The following PTGES3 variants were observed in gnomAD, a reference collection of about 807,000 sequenced individuals.
The protein encoded by PTGES3 is Hsp90 co-chaperone.
PTGES3 carries 5 observed loss-of-function variants against 29.9 expected under a neutral mutation model. The observed-to-expected ratio is 0.17, with a 90% CI of 0.09 to 0.35. The LOEUF is 0.35. Among genes scored for constraint, PTGES3 ranks in the 10% least tolerant of loss-of-function variants. PTGES3 has a pLI of 1.00. For synonymous variants in PTGES3, 49 were observed against 57.8 expected (o/e 0.85, Z 0.69); for missense variants, 128 against 190.0 (o/e 0.67, Z 1.92).
At chr12:56,664,626 T>A in intron 7 of PTGES3, 128 bp from the exon 8 acceptor site, 1 of 1,370,882 alleles carries the variant, frequency 7.3e-7, no homozygotes, top group Non-Finnish European at 1.0e-6. Context: ...GTTGTCTTGC[T>A]ATCAAGTTAT....
At position 56,663,895 on chromosome 12, in the gene PTGES3, AAGTT is replaced by A. The variant is rs1363596811; in HGVS notation, c.*580_*583del. On this transcript the variant is annotated 3_prime_UTR_variant, in exon 8 of 8. Coordinates refer to ENST00000262033, the MANE Select transcript of PTGES3 (RefSeq NM_006601.7). ...ATTGTATAGGCTTCAAAAACCATCTAAGTTAGGGCATTCTCTAGTTTTAGCTAAG... is the reference window on the plus strand; with the variant it reads ...ATTGTATAGGCTTCAAAAACCATCTAAGGGCATTCTCTAGTTTTAGCTAAG... 1.3e-5 allele frequency: 2 copies of A among 152,956 alleles called. No individual in the cohort carries two copies. Among genetic ancestry groups the A allele is most frequent in the East Asian group, 1.9e-4 (1 of 5,210 alleles). 9.5% of individuals were successfully genotyped at this position (152,956 alleles called of 1,614,324 possible). A position where few individuals can be genotyped will look rare whatever the true frequency, so the allele number is the denominator to read the frequency against.
chr12:56,685,399 C>CTTT lies in PTGES3; in HGVS notation c.2+2596_2+2598dup, dbSNP rs143526249. ...TTTTGAAGGTAGCATTTTTTCTTTT[C>CTTT]TTTTTTTTTTTTTTTTTTTTTAAGA... On this transcript the variant is annotated intron_variant, in intron 1 of 7. Coordinates refer to ENST00000262033, the MANE Select transcript of PTGES3 (RefSeq NM_006601.7). Among the ~76,000 whole-genome samples the CTTT allele has an allele frequency of 2.4e-4, 32 of 131,170 alleles. 1 individual carries two copies. The highest frequency in any genetic ancestry group is 1.2e-3 in the South Asian group (5 of 4,228). 86.1% of individuals were successfully genotyped at this position (131,170 alleles called of 152,430 possible).
At chr12:56,667,570 G>A (rs1951836050) in intron 5 of PTGES3, among the ~76,000 whole-genome samples, 1 of 152,138 alleles carries the variant, frequency 6.6e-6, no homozygotes, top group African/African-American at 2.4e-5. Context: ...CCAGTCACAG[G>A]ACAAATACTG....
intron 1 of PTGES3, chr12:56,686,999 T>G (rs375053253): frequency 2.6e-4 from 11 of 43,080 alleles, no homozygotes; most frequent in East Asian, 6.6e-4. Flanking sequence ...AAAAATAACC[T>G]CCCGTCAAAA....
At chr12:56,675,521 C>CAAAAAAAAAAA (rs58270146) in intron 1 of PTGES3, among the ~76,000 whole-genome samples, 2 of 92,054 alleles carry the variant, frequency 2.2e-5, no homozygotes, top group Non-Finnish European at 5.0e-5. Flanking sequence ...AGAATGAGAC[C>CAAAAAAAAAAA]AAAAAAAAAA....
chr12:56,680,544 C>T (rs1184691586), intron 1 of PTGES3, among the ~76,000 whole-genome samples: 1 of 151,960 alleles, frequency 6.6e-6, no homozygotes, highest in African/African-American at 2.4e-5. Context: ...TGCCGTCAGG[C>T]CTAGCAATTT....
At chr12:56,681,994 C>T (rs1226414769) in intron 1 of PTGES3, among the ~76,000 whole-genome samples, 1 of 152,008 alleles carries the variant, frequency 6.6e-6, no homozygotes, top group Non-Finnish European at 1.5e-5. Context: ...TTACAGGCAC[C>T]CGCCACGGTG....
intron 1 of PTGES3, among the ~76,000 whole-genome samples, chr12:56,674,706 G>A (rs538159478): frequency 2.5e-3 from 372 of 150,996 alleles, no homozygotes; most frequent in African/African-American, 8.8e-3. Flanking sequence ...GGCGCCTGTA[G>A]TCCCAGCTAC....
chr12:56,670,535 T>C, intron 4 of PTGES3, 171 bp from the exon 5 acceptor site: 1 of 581,312 alleles, frequency 1.7e-6, no homozygotes, highest in East Asian at 2.9e-5. Context: ...TATGTGAGTT[T>C]TGACCAGCTC....
In PTGES3 at chr12:56,673,037, G is replaced by C; in HGVS notation, c.31C>G (p.Arg11Gly). Residue 11 changes from arginine (R) to glycine (G), a missense_variant, in exon 2 of 8, where the codon CGA becomes GGA. Physicochemically the swap from Arg to Gly is moderately radical, Grantham distance 125. Transcript: ENST00000262033. ...AATTCAATGAAGACATAGTCCCTTC[G>C]ATCGTACCACTTTGCAGAAGCAGGC... MQPASAKWYD[R>G]RDYVFIEFCV... is the part of the protein sequence containing the mutation. 1 of 1,606,894 alleles carries C rather than the reference G, an allele frequency of 6.2e-7. No individual in the cohort carries two copies. The highest frequency in any genetic ancestry group is 8.5e-7 in the Non-Finnish European group (1 of 1,178,190).
intron 1 of PTGES3, chr12:56,687,005 CAAAAAAAAA>C (rs11297744): frequency 4.7e-5 from 4 of 85,568 alleles, no homozygotes; most frequent in Middle Eastern, 6.1e-3. Flanking sequence ...AACCTCCCGT[CAAAAAAAAA>C]AAAAAAAAAA....
intron 6 of PTGES3, chr12:56,665,523 G>C (rs1253319139): frequency 1.0e-6 from 1 of 981,998 alleles, no homozygotes; most frequent in Non-Finnish European, 1.2e-6. Flanking sequence ...TGAAACTCTT[G>C]ACCGCATGAT....
intron 1 of PTGES3, among the ~76,000 whole-genome samples, chr12:56,683,025 C>G (rs889776809): frequency 6.6e-6 from 1 of 151,546 alleles, no homozygotes; most frequent in Admixed American, 6.6e-5. Context: ...AAAGGTATAC[C>G]GAGGAAGCAG....
rs1036847376 is a variant in PTGES3 at position 56,672,029 on chromosome 12, TAAA to T, written c.187-185_187-183del. ...GCCCCAACCCCCTTTAAGTTTCATTTAAAAAAAAATTTTTTTTTCCCTTCTATT... is the reference window on the plus strand; with the variant it reads ...GCCCCAACCCCCTTTAAGTTTCATTTAAAAAATTTTTTTTTCCCTTCTATT... On this transcript the variant is annotated intron_variant, in intron 3 of 7. Coordinates refer to ENST00000262033, the MANE Select transcript of PTGES3 (RefSeq NM_006601.7). Among the ~76,000 whole-genome samples the T allele has an allele frequency of 1.3e-5, 2 of 151,952 alleles. 1 individual carries two copies. The highest frequency in any genetic ancestry group is 1.3e-4 in the Admixed American group (2 of 15,226).
rs115050518 is a variant in PTGES3 at position 56,682,494 on chromosome 12, G to A, written c.2+5504C>T. ...GAGGATGGCTTGATCCCAAGTTTGA[G>A]GCTGCAGACAGTGATGACACCACTG... On this transcript the variant is annotated intron_variant, in intron 1 of 7. Transcript: ENST00000262033. Among the ~76,000 whole-genome samples the A allele has an allele frequency of 1.2e-3, 189 of 152,032 alleles. 4 individuals carry two copies. The highest frequency in any genetic ancestry group is 4.5e-3 in the African/African-American group (186 of 41,462).
chr12:56,688,037 G>A lies in PTGES3; in HGVS notation c.-38C>T, dbSNP rs746851342. ...AGGGGGACGGGCGAACTGGTGGGCG[G>A]GCCTCTCTGGCGGCGGCTGCTGCTA... On this transcript the variant is annotated 5_prime_UTR_variant, in exon 1 of 8. Coordinates refer to ENST00000262033, the MANE Select transcript of PTGES3 (RefSeq NM_006601.7). The A allele has an allele frequency of 6.6e-7, 1 of 1,509,770 alleles. No homozygotes were observed. Among genetic ancestry groups the A allele is most frequent in the East Asian group, 2.6e-5 (1 of 37,912 alleles). 93.5% of individuals were successfully genotyped at this position (1,509,770 alleles called of 1,614,324 possible). A position where few individuals can be genotyped will look rare whatever the true frequency, so the allele number is the denominator to read the frequency against.
chr12:56,687,534 G>T (rs1387549393), intron 1 of PTGES3: 1 of 1,006,344 alleles, frequency 9.9e-7, no homozygotes, highest in Admixed American at 5.9e-5. Context: ...GGCTCTCCCA[G>T]GAGCTCCGCC....
intron 1 of PTGES3, among the ~76,000 whole-genome samples, chr12:56,682,759 C>T (rs1287391770): frequency 6.9e-6 from 1 of 145,148 alleles, no homozygotes; most frequent in African/African-American, 2.6e-5. Context: ...TGGCTCACAC[C>T]TGTAATCCTA....
intron 1 of PTGES3, among the ~76,000 whole-genome samples, chr12:56,678,590 T>C (rs1240195796): frequency 6.6e-6 from 1 of 152,220 alleles, no homozygotes; most frequent in Non-Finnish European, 1.5e-5. Context: ...CTTTGGTGCA[T>C]CAATTTTTTA....
Sources: allele counts gnomAD v4.1 joint callset (sites outside exome capture counted in the v4.1 genomes callset), GRCh38; gene constraint gnomAD v4.1.1; transcripts MANE v1.5; gene names NCBI Gene and HGNC (gene_info 2026-07-23, HGNC 2026-07-21).